The following MARCHF1 variants were observed in gnomAD, a reference collection of about 807,000 sequenced individuals.
MARCHF1 encodes the protein E3 ubiquitin-protein ligase MARCHF1.
Under a neutral mutation model 54.2 loss-of-function variants are expected in MARCHF1, and 40 were observed. The observed-to-expected ratio is 0.74, with a 90% CI of 0.57 to 0.96. The LOEUF (loss-of-function observed/expected upper bound fraction) is 0.96, where lower values mean the gene tolerates loss of function less well. Among genes scored for constraint, MARCHF1 ranks in the 40% least tolerant of loss-of-function variants. The pLI is 0.00. For missense variants in MARCHF1, 586 were observed against 656.5 expected (o/e 0.89, Z 1.17); for synonymous variants, 236 against 236.3 (o/e 1.00, Z 0.01).
intron 3 of MARCHF1, among the ~76,000 whole-genome samples, chr4:163,968,234 CTA>C: frequency 9.6e-6 from 1 of 104,228 alleles, no homozygotes; most frequent in Non-Finnish European, 2.4e-5. Context: ...ACCCTATTTG[CTA>C]TACTAAAGTA....
chr4:164,312,478 A>G (rs1007951430), intron 1 of MARCHF1, among the ~76,000 whole-genome samples: 4 of 151,188 alleles, frequency 2.6e-5, no homozygotes, highest in Non-Finnish European at 4.4e-5. Context: ...GCCCGCCACT[A>G]CGCCCAGCTA....
At chr4:164,323,991 A>T (rs763259960) in intron 1 of MARCHF1, among the ~76,000 whole-genome samples, 2 of 152,032 alleles carry the variant, frequency 1.3e-5, no homozygotes, top group African/African-American at 2.4e-5. Flanking sequence ...GAAAGACAGC[A>T]TAACTTTCAT....
chr4:163,639,366 G>T (rs1560991427), intron 5 of MARCHF1, among the ~76,000 whole-genome samples: 1 of 152,112 alleles, frequency 6.6e-6, no homozygotes, highest in Non-Finnish European at 1.5e-5. Context: ...GCACATTGCT[G>T]GTACTGAGAC....
chr4:163,563,001 G>A (rs1440909452), intron 8 of MARCHF1, among the ~76,000 whole-genome samples: 3 of 152,132 alleles, frequency 2.0e-5, no homozygotes, highest in African/African-American at 4.8e-5. Flanking sequence ...TTTCTAGCTC[G>A]AATGTTGTGC....
intron 1 of MARCHF1, among the ~76,000 whole-genome samples, chr4:164,181,570 G>T (rs1410463538): frequency 6.6e-6 from 1 of 152,092 alleles, no homozygotes; most frequent in Non-Finnish European, 1.5e-5. Flanking sequence ...CCCTGAAATA[G>T]TACCATTCCA....
At chr4:163,836,214 AATTTATTTATTTATTTATTTATTTATTT>A (rs66939546) in intron 4 of MARCHF1, among the ~76,000 whole-genome samples, 3 of 137,884 alleles carry the variant, frequency 2.2e-5, no homozygotes, top group Non-Finnish European at 4.7e-5. Context: ...TGGTAGTTGC[AATTTATTTATTTATTTATTTATTTATTT>A]ATTTATTTAT....
intron 4 of MARCHF1, among the ~76,000 whole-genome samples, chr4:163,723,757 G>C (rs148143673): frequency 5.9e-5 from 9 of 151,972 alleles, no homozygotes; most frequent in African/African-American, 1.9e-4. Flanking sequence ...TTCTCTTCTC[G>C]CTTCATTTCG....
chr4:164,022,144 G>C (rs1753680146), intron 2 of MARCHF1, among the ~76,000 whole-genome samples: 1 of 151,968 alleles, frequency 6.6e-6, no homozygotes, highest in Non-Finnish European at 1.5e-5. Context: ...CCCATTGATT[G>C]TGCAATATCT....
At chr4:164,368,268 A>C in intron 1 of MARCHF1, among the ~76,000 whole-genome samples, 1 of 151,526 alleles carries the variant, frequency 6.6e-6, no homozygotes, top group East Asian at 1.9e-4. Flanking sequence ...TTTTAAAATC[A>C]TAAAGATATA....
intron 2 of MARCHF1, among the ~76,000 whole-genome samples, chr4:163,998,414 G>A (rs973677523): frequency 3.3e-5 from 5 of 151,364 alleles, no homozygotes; most frequent in African/African-American, 4.8e-5. Context: ...TATTAACACA[G>A]GAGTACTATG....
chr4:163,806,315 C>A (rs1460005169), intron 4 of MARCHF1, among the ~76,000 whole-genome samples: 1 of 152,226 alleles, frequency 6.6e-6, no homozygotes, highest in South Asian at 2.1e-4. Flanking sequence ...TGATTAGGAA[C>A]CCTCATAAAT....
At chr4:164,048,561 A>G (rs746899065) in intron 2 of MARCHF1, among the ~76,000 whole-genome samples, 4 of 152,188 alleles carry the variant, frequency 2.6e-5, no homozygotes, top group Non-Finnish European at 4.4e-5. Flanking sequence ...GAATTACTAT[A>G]TTTTGTAAAT....
intron 7 of MARCHF1, among the ~76,000 whole-genome samples, chr4:163,602,745 A>G (rs1247776936): frequency 6.6e-6 from 1 of 152,130 alleles, no homozygotes; most frequent in Non-Finnish European, 1.5e-5. Context: ...AATATTGAAG[A>G]CTGAACAGCT....
intron 1 of MARCHF1, among the ~76,000 whole-genome samples, chr4:164,299,066 A>G (rs1000578489): frequency 6.6e-6 from 1 of 152,190 alleles, no homozygotes; most frequent in African/African-American, 2.4e-5. Context: ...CTCAAAACAT[A>G]TTCTCCTCAT....
intron 1 of MARCHF1, among the ~76,000 whole-genome samples, chr4:164,343,143 C>T (rs112529695): frequency 1.8e-3 from 279 of 152,190 alleles, no homozygotes; most frequent in Non-Finnish European, 2.9e-3. Context: ...ATTCTCAGTA[C>T]ACACATTGAA....
chr4:164,064,069 T>G (rs1325043257), intron 2 of MARCHF1, among the ~76,000 whole-genome samples: 1 of 152,250 alleles, frequency 6.6e-6, no homozygotes, highest in Non-Finnish European at 1.5e-5. Context: ...TGTAGCCCTG[T>G]AGTATAGTTT....
intron 1 of MARCHF1, among the ~76,000 whole-genome samples, chr4:164,382,962 C>G (rs1731419157): frequency 2.0e-5 from 3 of 152,328 alleles, no homozygotes; most frequent in Middle Eastern, 3.4e-3. Context: ...GTGAGGCTCT[C>G]TAACTACATA....
chr4:164,352,391 C>A (rs199742388), intron 1 of MARCHF1, among the ~76,000 whole-genome samples: 3 of 141,692 alleles, frequency 2.1e-5, no homozygotes, highest in Admixed American at 7.1e-5. Context: ...AAGGGAAGCC[C>A]ATCAGACTAA....
At chr4:163,970,789 A>G (rs896911739) in intron 3 of MARCHF1, among the ~76,000 whole-genome samples, 2 of 152,212 alleles carry the variant, frequency 1.3e-5, no homozygotes, top group Non-Finnish European at 2.9e-5. Context: ...ATCTCAACAA[A>G]TTTTGATTTT....
Sources: allele counts gnomAD v4.1 joint callset (sites outside exome capture counted in the v4.1 genomes callset), GRCh38; gene constraint gnomAD v4.1.1; transcripts MANE v1.5; gene names NCBI Gene and HGNC (gene_info 2026-07-23, HGNC 2026-07-21).